Variants in CDC73 observed in about 807,000 individuals in gnomAD.
The protein encoded by CDC73 is cell division cycle 73, also known as parafibromin.
In CDC73, 21 loss-of-function variants were observed where a neutral mutation model predicts 83.7. That is an observed-to-expected ratio of 0.25 (90% CI 0.18 to 0.36). CDC73 has a LOEUF of 0.36. Ranked by LOEUF, CDC73 falls within the 10% of genes least tolerant of loss-of-function variation. CDC73 has a pLI of 1.00. For synonymous variants in CDC73, 224 were observed against 212.9 expected (o/e 1.05, Z -0.45); for missense variants, 342 against 653.3 (o/e 0.52, Z 5.19).
intron 10 of CDC73, among the ~76,000 whole-genome samples, chr1:193,166,346 C>T (rs1019798783): frequency 4.6e-5 from 7 of 152,058 alleles, no homozygotes; most frequent in African/African-American, 1.2e-4. Context: ...TGTAGAGACA[C>T]GGTTCACTGT....
intron 5 of CDC73, among the ~76,000 whole-genome samples, chr1:193,137,270 T>G (rs1410098489): frequency 6.6e-6 from 1 of 152,232 alleles, no homozygotes; most frequent in African/African-American, 2.4e-5. Flanking sequence ...GATTTATTCA[T>G]TTTAAGATTT....
intron 10 of CDC73, among the ~76,000 whole-genome samples, chr1:193,188,356 TTTG>T (rs1382766393): frequency 1.3e-5 from 2 of 152,172 alleles, no homozygotes; most frequent in African/African-American, 4.8e-5. Context: ...CCTCTGTGTT[TTTG>T]TTTTCTTTTT....
chr1:193,228,390 A>C (rs962727369), intron 13 of CDC73, among the ~76,000 whole-genome samples: 2 of 152,194 alleles, frequency 1.3e-5, no homozygotes, highest in African/African-American at 4.8e-5. Flanking sequence ...TGAAACAGTT[A>C]TTACGGAGGA....
At chr1:193,234,218 C>CAT (rs1677713506) in intron 14 of CDC73, among the ~76,000 whole-genome samples, 2 of 29,204 alleles carry the variant, frequency 6.8e-5, no homozygotes, top group African/African-American at 1.4e-4. Flanking sequence ...CACACACACA[C>CAT]ACATATATAT....
chr1:193,191,915 T>C (rs1287845190), intron 10 of CDC73, among the ~76,000 whole-genome samples: 1 of 152,182 alleles, frequency 6.6e-6, no homozygotes, highest in Non-Finnish European at 1.5e-5. Context: ...GAATAAATTA[T>C]TTCAGGCAGC....
At chr1:193,217,529 C>T (rs1403352733) in intron 13 of CDC73, among the ~76,000 whole-genome samples, 2 of 151,988 alleles carry the variant, frequency 1.3e-5, no homozygotes, top group African/African-American at 2.4e-5. Flanking sequence ...CTGCTGGTGC[C>T]TGTTGGTGTG....
At chr1:193,168,543 T>G (rs1676470334) in intron 10 of CDC73, among the ~76,000 whole-genome samples, 1 of 152,012 alleles carries the variant, frequency 6.6e-6, no homozygotes. Flanking sequence ...TTTTTTTTTT[T>G]GAGACAGAGT....
intron 10 of CDC73, among the ~76,000 whole-genome samples, chr1:193,172,298 C>A (rs766042740): frequency 6.7e-6 from 1 of 149,226 alleles, no homozygotes; most frequent in Non-Finnish European, 1.5e-5. Context: ...CTAAGATATC[C>A]AACTGATTTA....
chr1:193,230,936 A>C (rs1677653349), intron 13 of CDC73, among the ~76,000 whole-genome samples: 1 of 152,222 alleles, frequency 6.6e-6, no homozygotes, highest in Admixed American at 6.5e-5. Flanking sequence ...TTCTAAGAAA[A>C]TACGTAGATA....
chr1:193,234,173 T>TCACA (rs1473284325), intron 14 of CDC73, among the ~76,000 whole-genome samples: 3 of 68,346 alleles, frequency 4.4e-5, no homozygotes, highest in African/African-American at 1.6e-4. Flanking sequence ...TCTCTCTCTC[T>TCACA]CTCACACACA....
intron 10 of CDC73, among the ~76,000 whole-genome samples, chr1:193,173,600 G>C (rs1037552023): frequency 6.6e-6 from 1 of 152,112 alleles, no homozygotes; most frequent in African/African-American, 2.4e-5. Flanking sequence ...ACCCAAACAA[G>C]CACCATAAAT....
chr1:193,180,984 T>G (rs778514496), intron 10 of CDC73: 8 of 1,613,458 alleles, frequency 5.0e-6, no homozygotes. Context: ...GCTTAATACT[T>G]AAGCCCAACA....
chr1:193,122,653 AACATAGGTGC>A (rs2103112094), intron 1 of CDC73: 1 of 305,240 alleles, frequency 3.3e-6, no homozygotes, highest in Admixed American at 4.6e-5. Context: ...GGGATACCTG[AACATAGGTGC>A]ACAAAGGAGC....
rs547987624 is a variant in CDC73, at chr1:193,206,186, T to A, written c.1030+2334T>A. ...AGCCAGGTATGTGGCTAGGGGAAGA[T>A]CATATGTGTAAAGTAAGGGGTTCTA... On this transcript the variant is annotated intron_variant, in intron 11 of 16. Transcript: ENST00000367435. 2.3e-3 allele frequency among the ~76,000 whole-genome samples: 355 copies of A among 152,212 alleles called. 1 individual carries two copies. Among genetic ancestry groups the A allele is most frequent in the Admixed American group, 2.9e-3 (45 of 15,278 alleles).
chr1:193,180,173 TC>T, intron 10 of CDC73: 1 of 835,304 alleles, frequency 1.2e-6, no homozygotes, highest in African/African-American at 1.8e-5. Context: ...AAAAAATACT[TC>T]TTGAATTTCT....
intron 8 of CDC73, among the ~76,000 whole-genome samples, chr1:193,148,639 ATTTT>A (rs894987430): frequency 8.8e-6 from 1 of 113,662 alleles, no homozygotes; most frequent in Non-Finnish European, 1.8e-5. Flanking sequence ...AAAATTTATA[ATTTT>A]TTTTTTTTTT....
intron 5 of CDC73, among the ~76,000 whole-genome samples, chr1:193,136,167 A>C (rs1483507760): frequency 6.6e-6 from 1 of 152,150 alleles, no homozygotes; most frequent in Non-Finnish European, 1.5e-5. Context: ...CAACTATTTT[A>C]CTTTAATATT....
chr1:193,158,220 A>G (rs1033213049), intron 10 of CDC73, among the ~76,000 whole-genome samples: 2 of 152,098 alleles, frequency 1.3e-5, no homozygotes, highest in Admixed American at 1.3e-4. Flanking sequence ...ACAACTATGT[A>G]TGTTTATCTT....
chr1:193,159,736 A>G (rs999916732), intron 10 of CDC73, among the ~76,000 whole-genome samples: 1 of 152,208 alleles, frequency 6.6e-6, no homozygotes, highest in African/African-American at 2.4e-5. Context: ...TTAAACATAT[A>G]TAATATTTTG....
Sources: gnomAD v4.1 joint callset for allele counts (sites outside exome capture counted in the v4.1 genomes callset) on GRCh38, gnomAD v4.1.1 for gene constraint, MANE v1.5 for transcripts, NCBI Gene and HGNC (gene_info 2026-07-23, HGNC 2026-07-21) for gene names.